Variants in SLC10A2 observed in about 807,000 individuals in gnomAD.
SLC10A2 encodes solute carrier family 10 member 2, also known as ileal sodium/bile acid cotransporter.
In SLC10A2, 34 loss-of-function variants were observed where a neutral mutation model predicts 27.1. The ratio of observed to expected loss-of-function variants is 1.26; its 90% CI spans 0.96 to 1.67. SLC10A2 has a LOEUF of 1.67. Among genes scored for constraint, SLC10A2 ranks in the 40% most tolerant of loss-of-function variants. SLC10A2 has a pLI of 0.00. For synonymous variants in SLC10A2, 205 were observed against 174.0 expected, an observed-to-expected ratio of 1.18 and a Z score of -1.40; for missense variants, 530 against 444.4, an observed-to-expected ratio of 1.19 and a Z score of -1.73.
rs1315647099 is a variant in SLC10A2, at chr13:103,044,376, G to A, written c.*1757C>T. 6.6e-6 allele frequency: 1 copy of A among 152,114 alleles called. No homozygotes were observed. The highest frequency in any genetic ancestry group is 1.5e-5 in the Non-Finnish European group (1 of 68,018). 9.4% of individuals were successfully genotyped at this position (152,114 alleles called of 1,614,324 possible). A position where few individuals can be genotyped will look rare whatever the true frequency, so the allele number is the denominator to read the frequency against. ...TTTCTGATTGATGGGAAATGTGTAG[G>A]AGGTACTTAGCCGCTAGACTGTAAA... On this transcript the variant is annotated 3_prime_UTR_variant, in exon 6 of 6. Coordinates refer to ENST00000245312, the MANE Select transcript of SLC10A2 (RefSeq NM_000452.3).
chr13:103,061,993 T>C (rs1472490715), intron 1 of SLC10A2, among the ~76,000 whole-genome samples: 1 of 151,986 alleles, frequency 6.6e-6, no homozygotes, highest in Non-Finnish European at 1.5e-5. Flanking sequence ...AAGAGTCAAG[T>C]ATAAGAAAAA....
intron 2 of SLC10A2, among the ~76,000 whole-genome samples, chr13:103,057,219 T>A (rs7330748): frequency 0.41 from 61,944 of 152,020 alleles, 12,937 homozygotes; most frequent in African/African-American, 0.49. Flanking sequence ...ACTGATTTAC[T>A]ATTTTGCCCA....
chr13:103,053,782 A>G (rs973981122), intron 2 of SLC10A2, among the ~76,000 whole-genome samples: 1 of 152,206 alleles, frequency 6.6e-6, no homozygotes, highest in Non-Finnish European at 1.5e-5. Context: ...TCCTGGCAAT[A>G]TAAGGGTCAG....
At chr13:103,053,178 GA>G (rs969533952) in intron 2 of SLC10A2, among the ~76,000 whole-genome samples, 1 of 149,982 alleles carries the variant, frequency 6.7e-6, no homozygotes, top group Admixed American at 6.7e-5. Flanking sequence ...CATGGTAGTA[GA>G]AATAAAAAAT....
At position 103,066,062 on chromosome 13, in the gene SLC10A2, T is replaced by C; in HGVS notation, c.188A>G (p.Lys63Arg). ...GCCAACACAAATGCCCCACGGCCGC[T>C]TTATGTGCCCTAGAAATTTCTTGAT... ...VEIKKFLGHI[K>R]RPWGICVGFL... The change falls in exon 1 of 6, where the codon AAG becomes AGG. Residue 63 changes from lysine (K) to arginine (R), a missense_variant. Transcript: ENST00000245312. 6.2e-7 allele frequency: 1 copy of C among 1,614,038 alleles called. No homozygotes were observed. The highest frequency in any genetic ancestry group is 2.2e-5 in the East Asian group (1 of 44,870).
At chr13:103,052,979 T>TA (rs542190103) in intron 2 of SLC10A2, among the ~76,000 whole-genome samples, 91 of 152,280 alleles carry the variant, frequency 6.0e-4, no homozygotes, top group African/African-American at 2.2e-3. Context: ...ATTAATTTTT[T>TA]AGAGTTTCTT....
chr13:103,054,885 A>T (rs1307159546), intron 2 of SLC10A2, among the ~76,000 whole-genome samples: 2 of 152,110 alleles, frequency 1.3e-5, no homozygotes, highest in Admixed American at 6.6e-5. Context: ...TATGCCTCAT[A>T]TGCCCATGTT....
Position 103,045,918 on chromosome 13 carries a change from T to C in SLC10A2, c.*215A>G. On this transcript the variant is annotated 3_prime_UTR_variant, in exon 6 of 6. Transcript: ENST00000245312. ...ATATCTATATGAGTATACATACATATATAAAACATATACATATATATAGGA... is the reference window on the plus strand; with the variant it reads ...ATATCTATATGAGTATACATACATACATAAAACATATACATATATATAGGA... 2.0e-6 allele frequency: 1 copy of C among 506,228 alleles called. No homozygotes were observed. Among genetic ancestry groups the C allele is most frequent in the Non-Finnish European group, 3.5e-6 (1 of 282,736 alleles). 31.4% of individuals were successfully genotyped at this position (506,228 alleles called of 1,614,324 possible).
At chr13:103,065,221 A>G (rs750318649) in intron 1 of SLC10A2, among the ~76,000 whole-genome samples, 1 of 152,148 alleles carries the variant, frequency 6.6e-6, no homozygotes, top group Non-Finnish European at 1.5e-5. Context: ...ATGGGCAAAC[A>G]TTGCAATTTA....
intron 4 of SLC10A2, among the ~76,000 whole-genome samples, chr13:103,050,341 C>T (rs1875741944): frequency 1.3e-5 from 2 of 152,118 alleles, no homozygotes; most frequent in African/African-American, 4.8e-5. Context: ...CTTCTTGCTG[C>T]CCATACCCAC....
chr13:103,048,678 G>A (rs76920716), intron 5 of SLC10A2, among the ~76,000 whole-genome samples: 4,032 of 152,224 alleles, frequency 0.026, 76 homozygotes, highest in African/African-American at 0.04. Flanking sequence ...GCCAGTGGGC[G>A]GTGGGGCCTG....
At position 103,045,016 on chromosome 13, in the gene SLC10A2, T is replaced by G. The variant is rs1875565594; in HGVS notation, c.*1117A>C. 1 of 152,240 alleles carries G rather than the reference T, an allele frequency of 6.6e-6. No homozygotes were observed. Among genetic ancestry groups the G allele is most frequent in the Admixed American group, 6.5e-5 (1 of 15,268 alleles). 9.4% of individuals were successfully genotyped at this position (152,240 alleles called of 1,614,324 possible). ...CTTTTGGGCCCTGGGACACGTTCTC[T>G]GTTTCAAATACTGTTTAATACTCAT... On this transcript the variant is annotated 3_prime_UTR_variant, in exon 6 of 6. Transcript: ENST00000245312.
intron 4 of SLC10A2, 65 bp from the exon 5 acceptor site, chr13:103,049,511 A>T: frequency 6.6e-7 from 1 of 1,524,708 alleles, no homozygotes; most frequent in Non-Finnish European, 9.1e-7. Context: ...TGAAAAGCAG[A>T]TATAATAATA....
rs376756182 is a variant in SLC10A2 at position 103,066,059 on chromosome 13, C to T, written c.191G>A (p.Arg64Gln). ...GAAGCCAACACAAATGCCCCACGGCCGCTTTATGTGCCCTAGAAATTTCTT... is the reference window on the plus strand; with the variant it reads ...GAAGCCAACACAAATGCCCCACGGCTGCTTTATGTGCCCTAGAAATTTCTT... The part of the protein sequence containing the change: ...EIKKFLGHIK[R>Q]PWGICVGFLC... Residue 64 changes from arginine (R) to glutamine (Q), a missense_variant, in exon 1 of 6, where the codon CGG (arginine) becomes CAG (glutamine). Arg to Gln is a conservative substitution (Grantham distance 43, BLOSUM62 1). Coordinates refer to ENST00000245312, the MANE Select transcript of SLC10A2 (RefSeq NM_000452.3). 2.4e-5 allele frequency: 39 copies of T among 1,614,006 alleles called. No homozygotes were observed. In the Middle Eastern group the frequency reaches 6.6e-4, roughly 27 times the overall value.
At chr13:103,052,525 T>A in intron 3 of SLC10A2, 95 bp downstream of exon 3, 1 of 889,144 alleles carries the variant, frequency 1.1e-6, no homozygotes, top group Non-Finnish European at 1.9e-6. Context: ...TCAACAGTAA[T>A]CATATAATGA....
intron 2 of SLC10A2, among the ~76,000 whole-genome samples, chr13:103,057,000 A>G (rs1414235694): frequency 6.6e-6 from 1 of 152,220 alleles, no homozygotes; most frequent in Non-Finnish European, 1.5e-5. Context: ...AGTCTTTCTC[A>G]GAAATGGAAG....
intron 1 of SLC10A2, among the ~76,000 whole-genome samples, chr13:103,059,042 C>T (rs188043945): frequency 6.9e-4 from 105 of 152,224 alleles, no homozygotes; most frequent in Admixed American, 2.0e-3. Flanking sequence ...CACTGCTTTC[C>T]GCAATGGATG....
At chr13:103,063,423 T>C (rs978261573) in intron 1 of SLC10A2, among the ~76,000 whole-genome samples, 8 of 152,210 alleles carry the variant, frequency 5.3e-5, no homozygotes, top group African/African-American at 1.9e-4. Context: ...CATGTCTTCA[T>C]GCCATTGCTG....
At position 103,052,661 on chromosome 13, in the gene SLC10A2, C is replaced by A. The variant is rs770739798; in HGVS notation, c.544G>T (p.Val182Phe). 6.2e-7 allele frequency: 1 copy of A among 1,612,236 alleles called. No homozygotes were observed. The highest frequency in any genetic ancestry group is 1.3e-5 in the African/African-American group (1 of 74,940). The change falls in exon 3 of 6, where the codon GTT becomes TTT. Residue 182 changes from valine (V) to phenylalanine (F), a missense_variant. Physicochemically the swap from Val to Phe is conservative, Grantham distance 50 (BLOSUM62 -1). Transcript: ENST00000245312. ...LVVPVSIGMF[V>F]NHKWPQKAKI... ...GCTTTTTGGGGCCATTTGTGATTAA[C>A]AAACATTCCAATGGAAACAGGAACA...
Sources: gnomAD v4.1 joint callset for allele counts (sites outside exome capture counted in the v4.1 genomes callset) on GRCh38, gnomAD v4.1.1 for gene constraint, MANE v1.5 for transcripts, NCBI Gene and HGNC (gene_info 2026-07-23, HGNC 2026-07-21) for gene names.